ZFP42: variants seen among roughly 807,000 people sequenced by gnomAD.
ZFP42 encodes the protein ZFP42 zinc finger protein.
For synonymous variants in ZFP42, 175 were observed against 144.6 expected, an observed-to-expected ratio of 1.21 and a Z score of -1.51; for missense variants, 438 against 377.1, an observed-to-expected ratio of 1.16 and a Z score of -1.34.
chr4:188,003,911 G>T lies in ZFP42; in HGVS notation c.*171G>T. 3 of 586,706 alleles carry T rather than the reference G, an allele frequency of 5.1e-6. No individual in the cohort carries two copies. The highest frequency in any genetic ancestry group is 3.7e-5 in the South Asian group (1 of 27,088). The allele number at this position is 586,706 out of a possible 1,614,324, so 36.3% of individuals were successfully genotyped here. On this transcript the variant is annotated 3_prime_UTR_variant, in exon 4 of 4. Coordinates refer to ENST00000326866, the MANE Select transcript of ZFP42 (RefSeq NM_174900.5). ...CTTTGTGATACCGTTTTAAGGACAT[G>T]GTGCATTTTTTTTTCTTTTATTTGT... is the stretch of plus-strand genomic sequence containing the variant.
chr4:188,003,108 G>A lies in ZFP42; in HGVS notation c.301G>A (p.Gly101Arg), dbSNP rs763531143. 37 of 1,614,120 alleles carry A rather than the reference G, an allele frequency of 2.3e-5. 1 individual carries two copies. The South Asian group carries it at 4.1e-4, about 18-fold the overall frequency. The change falls in exon 4 of 4, where the codon GGA (glycine) becomes AGA (arginine). Residue 101 changes from glycine (G) to arginine (R), a missense_variant. Transcript: ENST00000326866. ...LFESLEYLKK[G>R]SEQQLSQKVF... Reference sequence around the variant, plus strand: ...TGAGTCCTTGGAATACCTAAAGAAAGGATCAGAACAACAGCTTTCTCAAAA... The same window carrying A: ...TGAGTCCTTGGAATACCTAAAGAAAAGATCAGAACAACAGCTTTCTCAAAA...
Position 188,003,355 on chromosome 4 carries a change from A to T in ZFP42, c.548A>T (p.Asp183Val). The change falls in exon 4 of 4, where the codon GAC becomes GTC. Residue 183 changes from aspartate (D) to valine (V), a missense_variant. By Grantham distance (152) the Asp-to-Val change is radical. Transcript: ENST00000326866. ...RKKPPINKEYDSLSAIACPQS... is the reference protein window; with the variant it reads ...RKKPPINKEYVSLSAIACPQS... ...AAGCCCCCCATAAATAAAGAATATG[A>T]CAGTCTGAGCGCAATCGCTTGTCCT... is the stretch of plus-strand genomic sequence containing the variant. The T allele has an allele frequency of 6.2e-7, 1 of 1,614,054 alleles. No homozygotes were observed. The highest frequency in any genetic ancestry group is 8.5e-7 in the Non-Finnish European group (1 of 1,180,030).
chr4:188,000,952 C>T (rs1733787549), intron 3 of ZFP42, among the ~76,000 whole-genome samples: 1 of 151,982 alleles, frequency 6.6e-6, no homozygotes, highest in Admixed American at 6.6e-5. Flanking sequence ...GCTGAGATTG[C>T]GCCATTGTAC....
chr4:187,997,225 A>ATCCTTTTTTTTTTTTT (rs1733628134), intron 1 of ZFP42, among the ~76,000 whole-genome samples: 1 of 36,500 alleles, frequency 2.7e-5, no homozygotes, highest in African/African-American at 1.7e-4. Flanking sequence ...CCCCTCTCAT[A>ATCCTTTTTTTTTTTTT]TTCTTTTTTT....
chr4:188,002,689 C>G, intron 3 of ZFP42, 24 bp from the exon 4 acceptor site: 1 of 821,430 alleles, frequency 1.2e-6, no homozygotes, highest in Non-Finnish European at 2.0e-6. Context: ...TCTATTTTAA[C>G]TAAAGGTTAT....
intron 3 of ZFP42, among the ~76,000 whole-genome samples, chr4:188,000,953 G>A (rs1486285583): frequency 1.3e-5 from 2 of 152,026 alleles, no homozygotes; most frequent in Non-Finnish European, 1.5e-5. Flanking sequence ...CTGAGATTGC[G>A]CCATTGTACT....
chr4:188,002,069 T>C (rs939294627), intron 3 of ZFP42, among the ~76,000 whole-genome samples: 1 of 151,996 alleles, frequency 6.6e-6, no homozygotes, highest in African/African-American at 2.4e-5. Flanking sequence ...CCCAGCTACT[T>C]GGGAGGCTGA....
intron 3 of ZFP42, among the ~76,000 whole-genome samples, chr4:188,002,119 A>G (rs745768010): frequency 3.3e-5 from 5 of 152,102 alleles, no homozygotes; most frequent in Admixed American, 6.6e-5. Flanking sequence ...GGAGGTTGCA[A>G]TGAGCTAAGA....
chr4:188,002,660 A>C, intron 3 of ZFP42, 53 bp from the exon 4 acceptor site: 1 of 676,172 alleles, frequency 1.5e-6, no homozygotes, highest in Non-Finnish European at 2.5e-6. Context: ...ATTTTTTGAC[A>C]GTGGCTCTAA....
downstream of ZFP42, chr4:188,005,157 T>C (rs1344895454): frequency 1.8e-5 from 3 of 166,134 alleles, no homozygotes; most frequent in African/African-American, 7.2e-5. Flanking sequence ...TCGGTATAGG[T>C]GAGATATGGC....
At position 188,002,749 on chromosome 4, in the gene ZFP42, C is replaced by A; in HGVS notation, c.-59C>A. The A allele has an allele frequency of 6.9e-7, 1 of 1,443,468 alleles. No individual in the cohort carries two copies. The highest frequency in any genetic ancestry group is 9.6e-7 in the Non-Finnish European group (1 of 1,040,110). The allele number at this position is 1,443,468 out of a possible 1,614,324, so 89.4% of individuals were successfully genotyped here. ...AGACAGCTTACTCAGATCACTACTG[C>A]CTGGAGGTGGTTGATATATCCTGGT... On this transcript the variant is annotated 5_prime_UTR_variant, in exon 4 of 4. Coordinates refer to ENST00000326866, the MANE Select transcript of ZFP42 (RefSeq NM_174900.5).
intron 3 of ZFP42, among the ~76,000 whole-genome samples, chr4:188,000,294 G>C (rs1199380876): frequency 3.3e-5 from 5 of 152,102 alleles, no homozygotes; most frequent in Admixed American, 1.3e-4. Context: ...GCAGCTCTGT[G>C]TTTAATCCTA....
At chr4:187,997,228 CTTTTTTTTTTTTT>C (rs71595201) in intron 1 of ZFP42, among the ~76,000 whole-genome samples, 1 of 60,030 alleles carries the variant, frequency 1.7e-5, no homozygotes, top group Non-Finnish European at 2.7e-5. Context: ...CTCTCATATT[CTTTTTTTTTTTTT>C]TTTTTTTTTG....
chr4:188,000,916 A>G (rs1204599672), intron 3 of ZFP42, among the ~76,000 whole-genome samples: 1 of 152,100 alleles, frequency 6.6e-6, no homozygotes, highest in Non-Finnish European at 1.5e-5. Context: ...GAATCACTTG[A>G]ACCCCAGAGG....
rs1381636626 is a variant in ZFP42, at chr4:187,999,131, C to T, written c.-315C>T. The T allele has an allele frequency of 3.3e-5, 5 of 152,098 alleles. No homozygotes were observed. Among genetic ancestry groups the T allele is most frequent in the Non-Finnish European group, 5.9e-5 (4 of 68,086 alleles). The allele number at this position is 152,098 out of a possible 1,614,324, so 9.4% of individuals were successfully genotyped here. A position where few individuals can be genotyped will look rare whatever the true frequency, so the allele number is the denominator to read the frequency against. On this transcript the variant is annotated 5_prime_UTR_variant, in exon 2 of 4. Transcript: ENST00000326866. ...AGGTTGGAGTGCAATGGTGTGATCT[C>T]AGCTCACTGCAACCCCTGCCTCCCA...
intron 3 of ZFP42, among the ~76,000 whole-genome samples, chr4:188,000,135 G>A (rs1168265159): frequency 2.0e-5 from 3 of 152,096 alleles, no homozygotes; most frequent in African/African-American, 4.8e-5. Context: ...TCCCGAGTCC[G>A]AAAATTCAAA....
chr4:188,004,861 TAGTC>T lies in ZFP42; in HGVS notation c.*1123_*1126del, dbSNP rs1367158276. ...TAGAGAATGAAAAATTTGCAGTAGA[TAGTC>T]AATAAATGAATCAGTAGTTAAATAT... On this transcript the variant is annotated 3_prime_UTR_variant, in exon 4 of 4. Transcript: ENST00000326866. 3.0e-5 allele frequency: 5 copies of T among 167,120 alleles called. No individual in the cohort carries two copies. The Admixed American group carries it at 3.3e-4, about 11-fold the overall frequency. 10.4% of individuals were successfully genotyped at this position (167,120 alleles called of 1,614,324 possible).
Position 188,000,747 on chromosome 4 carries a change from C to T in ZFP42, c.-96+1062C>T, listed in dbSNP as rs551656080. Among the ~76,000 whole-genome samples, 17 of 152,212 alleles carry T rather than the reference C, an allele frequency of 1.1e-4. No individual in the cohort carries two copies. The South Asian group carries it at 2.5e-3, about 22-fold the overall frequency. On this transcript the variant is annotated intron_variant, in intron 3 of 3. Transcript: ENST00000326866. The stretch of plus-strand genomic sequence containing the variant: ...CTGTAATCCCAGTACTTTGAGAAGC[C>T]GAGGAGAGCAGATCACCTGAGGTCA...
At chr4:187,996,962 C>G (rs541129222) in intron 1 of ZFP42, among the ~76,000 whole-genome samples, 2 of 151,142 alleles carry the variant, frequency 1.3e-5, no homozygotes, top group East Asian at 2.0e-4. Flanking sequence ...CCCCAGCCCC[C>G]ACCTTCCTGC....
Sources: gnomAD v4.1 joint callset for allele counts (sites outside exome capture counted in the v4.1 genomes callset) on GRCh38, gnomAD v4.1.1 for gene constraint, MANE v1.5 for transcripts, NCBI Gene and HGNC (gene_info 2026-07-23, HGNC 2026-07-21) for gene names.